NAALADL2: variants seen among roughly 807,000 people sequenced by gnomAD.
NAALADL2 encodes N-acetylated alpha-linked acidic dipeptidase like 2.
NAALADL2 carries 76 observed loss-of-function variants against 87.2 expected under a neutral mutation model. The observed-to-expected ratio is 0.87, with a 90% CI of 0.72 to 1.05. The LOEUF (loss-of-function observed/expected upper bound fraction) is 1.05, where lower values mean the gene tolerates loss of function less well. Ranked by LOEUF, NAALADL2 falls within the 50% of genes least tolerant of loss-of-function variation. The probability of loss-of-function intolerance (pLI) is 0.00; values close to 1 mark genes in which losing one functional copy is unlikely to be tolerated. For synonymous variants in NAALADL2, 354 were observed against 331.0 expected, an observed-to-expected ratio of 1.07 and a Z score of -0.75; for missense variants, 1,089 against 945.8, an observed-to-expected ratio of 1.15 and a Z score of -1.99.
At chr3:175,271,101 C>T (rs1194238543) in intron 4 of NAALADL2, 1 of 152,080 alleles carries the variant, frequency 6.6e-6, no homozygotes, top group Non-Finnish European at 1.5e-5. Context: ...CCAAGTTTCA[C>T]AGTAACAGGG....
At chr3:175,559,081 G>T (rs1222258751) in intron 9 of NAALADL2, among the ~76,000 whole-genome samples, 1 of 151,640 alleles carries the variant, frequency 6.6e-6, no homozygotes, top group Non-Finnish European at 1.5e-5. Context: ...TTTATTTTTT[G>T]TTGTCCTCTT....
At chr3:175,079,998 C>G (rs1271689012) in intron 1 of NAALADL2, among the ~76,000 whole-genome samples, 2 of 149,170 alleles carry the variant, frequency 1.3e-5, no homozygotes, top group Non-Finnish European at 2.9e-5. Context: ...TGGAGTCTCT[C>G]TTTGTCACCC....
At chr3:174,949,854 C>T (rs1170665390) in intron 1 of NAALADL2, among the ~76,000 whole-genome samples, 4 of 152,218 alleles carry the variant, frequency 2.6e-5, no homozygotes, top group Middle Eastern at 3.4e-3. Flanking sequence ...CTAATATGTG[C>T]CAAATAATAG....
intron 2 of NAALADL2, among the ~76,000 whole-genome samples, chr3:174,586,819 T>C: frequency 6.6e-6 from 1 of 152,154 alleles, no homozygotes; most frequent in Admixed American, 6.5e-5. Context: ...TAAAAAGGTA[T>C]GCAACTTTCA....
chr3:175,333,615 A>G (rs952976127), intron 5 of NAALADL2, among the ~76,000 whole-genome samples: 1 of 152,160 alleles, frequency 6.6e-6, no homozygotes, highest in Non-Finnish European at 1.5e-5. Context: ...GAGCTAAAAA[A>G]TTAGTTTATA....
intron 10 of NAALADL2, among the ~76,000 whole-genome samples, chr3:175,618,638 G>T (rs867271536): frequency 3.3e-5 from 5 of 152,066 alleles, no homozygotes; most frequent in African/African-American, 1.2e-4. Context: ...TCCCTTAGTC[G>T]CCTTCCTCCT....
At chr3:175,109,148 G>A (rs950225199) in intron 2 of NAALADL2, among the ~76,000 whole-genome samples, 3 of 151,778 alleles carry the variant, frequency 2.0e-5, no homozygotes, top group South Asian at 4.1e-4. Flanking sequence ...TGTCTATGTA[G>A]AACAGTGCAA....
At chr3:174,866,989 T>C (rs964677932) in intron 1 of NAALADL2, among the ~76,000 whole-genome samples, 1 of 151,806 alleles carries the variant, frequency 6.6e-6, no homozygotes, top group African/African-American at 2.4e-5. Flanking sequence ...TTCTATAAAA[T>C]ACTTACTAAT....
chr3:175,403,860 T>C (rs16825640), intron 5 of NAALADL2, among the ~76,000 whole-genome samples: 3,294 of 152,230 alleles, frequency 0.022, 114 homozygotes, highest in African/African-American at 0.075. Context: ...TGCCACATCC[T>C]ATGAGTTCAT....
chr3:175,302,836 ATATGTGTGTG>A (rs1757250139), intron 4 of NAALADL2, among the ~76,000 whole-genome samples: 1 of 147,068 alleles, frequency 6.8e-6, no homozygotes, highest in African/African-American at 2.6e-5. Context: ...GTGTGTGTAT[ATATGTGTGTG>A]TATGTGTGTG....
chr3:175,230,899 C>A (rs1427422550), intron 2 of NAALADL2, among the ~76,000 whole-genome samples: 1 of 151,864 alleles, frequency 6.6e-6, no homozygotes, highest in Non-Finnish European at 1.5e-5. Flanking sequence ...CCTTATGGAC[C>A]AATAATCCCT....
chr3:175,253,098 C>T (rs760485500), intron 3 of NAALADL2, among the ~76,000 whole-genome samples: 5 of 152,074 alleles, frequency 3.3e-5, no homozygotes, highest in Admixed American at 1.3e-4. Flanking sequence ...AGAGATTTTC[C>T]GTGTAGACAA....
At chr3:175,324,048 A>C in intron 4 of NAALADL2, 127 bp from the exon 5 acceptor site, 2 of 704,438 alleles carry the variant, frequency 2.8e-6, no homozygotes, top group Non-Finnish European at 4.6e-6. Flanking sequence ...AAAAAAGAAA[A>C]AGAAAAAGAA....
At chr3:174,770,915 G>T (rs1455027382) in intron 3 of NAALADL2, among the ~76,000 whole-genome samples, 1 of 151,358 alleles carries the variant, frequency 6.6e-6, no homozygotes, top group Non-Finnish European at 1.5e-5. Flanking sequence ...ACTTAAAATT[G>T]TTAACTCATA....
At chr3:175,789,763 A>G (rs193035866) in intron 13 of NAALADL2, among the ~76,000 whole-genome samples, 5 of 152,284 alleles carry the variant, frequency 3.3e-5, no homozygotes, top group Admixed American at 3.3e-4. Context: ...GTGGATATAT[A>G]TTAATAGAAC....
At chr3:175,485,783 C>T (rs1310993669) in intron 9 of NAALADL2, among the ~76,000 whole-genome samples, 1 of 152,160 alleles carries the variant, frequency 6.6e-6, no homozygotes, top group Non-Finnish European at 1.5e-5. Context: ...TCTCCTTTGG[C>T]AACACCCTCA....
At chr3:175,126,485 G>A (rs1038652986) in intron 2 of NAALADL2, among the ~76,000 whole-genome samples, 4 of 151,988 alleles carry the variant, frequency 2.6e-5, no homozygotes, top group African/African-American at 9.7e-5. Flanking sequence ...AAAAGTAACT[G>A]AACAATTCCA....
At position 175,608,770 on chromosome 3, in the gene NAALADL2, G is replaced by A. The variant is rs550190106; in HGVS notation, c.1801-18521G>A. Among the ~76,000 whole-genome samples the A allele has an allele frequency of 4.6e-5, 7 of 152,260 alleles. No individual in the cohort carries two copies. The South Asian group carries it at 1.0e-3, about 23-fold the overall frequency. ...TTTTTCCATCACAAGCTTAGTGAAT[G>A]TCTATAATATGCAAAGCATAAATTG... On this transcript the variant is annotated intron_variant, in intron 10 of 13. Transcript: ENST00000454872.
chr3:175,741,306 G>A (rs1375401498), intron 12 of NAALADL2, among the ~76,000 whole-genome samples: 1 of 152,124 alleles, frequency 6.6e-6, no homozygotes, highest in Non-Finnish European at 1.5e-5. Flanking sequence ...AAGGGTTGAG[G>A]GAGCTGTCTT....
Sources: gnomAD v4.1 joint callset for allele counts (sites outside exome capture counted in the v4.1 genomes callset) on GRCh38, gnomAD v4.1.1 for gene constraint, MANE v1.5 for transcripts, NCBI Gene and HGNC (gene_info 2026-07-23, HGNC 2026-07-21) for gene names.